The following MACROD2 variants were observed in gnomAD, a reference collection of about 807,000 sequenced individuals.
MACROD2 encodes the protein mono-ADP ribosylhydrolase 2.
MACROD2 carries 36 observed loss-of-function variants against 70.4 expected under a neutral mutation model. The ratio of observed to expected loss-of-function variants is 0.51; its 90% CI spans 0.39 to 0.68. The LOEUF is 0.68. Ranked by LOEUF, MACROD2 falls within the 30% of genes least tolerant of loss-of-function variation. The pLI is 0.00. For synonymous variants in MACROD2, 172 were observed against 178.8 expected (o/e 0.96, Z 0.30); for missense variants, 496 against 538.4 (o/e 0.92, Z 0.78).
intron 8 of MACROD2, among the ~76,000 whole-genome samples, chr20:15,589,440 C>G (rs1401964220): frequency 6.6e-6 from 1 of 152,184 alleles, no homozygotes; most frequent in Non-Finnish European, 1.5e-5. Flanking sequence ...CATATACCCC[C>G]TCCTCCCACA....
chr20:14,774,727 G>C (rs2072212351), intron 5 of MACROD2, among the ~76,000 whole-genome samples: 1 of 152,004 alleles, frequency 6.6e-6, no homozygotes, highest in African/African-American at 2.4e-5. Context: ...AAATGAGTAA[G>C]ATACTATGTA....
chr20:15,772,101 A>AATATATATATATAT (rs201468504), intron 8 of MACROD2, among the ~76,000 whole-genome samples: 13 of 91,410 alleles, frequency 1.4e-4, no homozygotes, highest in Middle Eastern at 7.0e-3. Context: ...AAAAAAAAAA[A>AATATATATATATAT]ATATATATAT....
chr20:15,398,075 A>G (rs1048876895), intron 6 of MACROD2, among the ~76,000 whole-genome samples: 4 of 152,188 alleles, frequency 2.6e-5, no homozygotes, highest in South Asian at 2.1e-4. Context: ...AGAAGGCTGA[A>G]TATTCTGGAA....
At chr20:14,849,316 C>T (rs1393162995) in intron 5 of MACROD2, among the ~76,000 whole-genome samples, 1 of 152,154 alleles carries the variant, frequency 6.6e-6, no homozygotes, top group Non-Finnish European at 1.5e-5. Context: ...TTACCCCTCA[C>T]CTCATGATTG....
intron 12 of MACROD2, among the ~76,000 whole-genome samples, chr20:15,961,882 G>A (rs1218324038): frequency 1.3e-5 from 2 of 152,096 alleles, no homozygotes; most frequent in Admixed American, 6.5e-5. Context: ...GAGAGAGGGA[G>A]GCAAGATGAG....
At chr20:15,236,622 C>T (rs1269198857) in intron 6 of MACROD2, among the ~76,000 whole-genome samples, 3 of 152,222 alleles carry the variant, frequency 2.0e-5, no homozygotes, top group South Asian at 2.1e-4. Flanking sequence ...AAGGAAACTG[C>T]CTTCCCTGTG....
chr20:15,612,200 C>G (rs1262187284), intron 8 of MACROD2, among the ~76,000 whole-genome samples: 1 of 152,134 alleles, frequency 6.6e-6, no homozygotes, highest in East Asian at 1.9e-4. Flanking sequence ...ACAGCCAATA[C>G]AGCTATAGCA....
intron 9 of MACROD2, among the ~76,000 whole-genome samples, chr20:15,875,956 T>C (rs936984942): frequency 4.0e-5 from 6 of 150,820 alleles, no homozygotes; most frequent in African/African-American, 1.2e-4. Flanking sequence ...AGGAATAATA[T>C]ATCAATAAAA....
At chr20:15,898,587 G>A (rs775854258) in intron 10 of MACROD2, among the ~76,000 whole-genome samples, 4 of 144,350 alleles carry the variant, frequency 2.8e-5, no homozygotes, top group Non-Finnish European at 3.0e-5. Context: ...CTAGGTTCAC[G>A]TCCCAGACCT....
intron 3 of MACROD2, among the ~76,000 whole-genome samples, chr20:14,391,262 T>C (rs2083523459): frequency 1.3e-5 from 2 of 152,188 alleles, no homozygotes; most frequent in Non-Finnish European, 2.9e-5. Context: ...GAAAATGTGG[T>C]ATGTTACATC....
intron 4 of MACROD2, among the ~76,000 whole-genome samples, chr20:14,600,343 TACACACACACACACACACACAC>T (rs1042255013): frequency 4.6e-5 from 6 of 130,150 alleles, no homozygotes; most frequent in African/African-American, 9.5e-5. Flanking sequence ...TATATATATA[TACACACACACACACACACACAC>T]AAATATATAT....
intron 5 of MACROD2, among the ~76,000 whole-genome samples, chr20:14,846,368 C>T (rs545742154): frequency 1.8e-4 from 28 of 151,990 alleles, no homozygotes; most frequent in African/African-American, 4.8e-4. Flanking sequence ...GAGTTACAGG[C>T]GCACGCCACC....
intron 3 of MACROD2, among the ~76,000 whole-genome samples, chr20:14,430,091 C>A (rs1308191174): frequency 6.6e-6 from 1 of 152,114 alleles, no homozygotes; most frequent in Non-Finnish European, 1.5e-5. Flanking sequence ...GAAAGAACAG[C>A]ATGAATCAAG....
chr20:14,069,626 CAAAT>C (rs2053812775), intron 2 of MACROD2, among the ~76,000 whole-genome samples: 1 of 146,610 alleles, frequency 6.8e-6, no homozygotes, highest in Non-Finnish European at 1.5e-5. Context: ...AAATATATCC[CAAAT>C]AAATATTTGC....
At chr20:14,249,304 T>C (rs2081992133) in intron 3 of MACROD2, among the ~76,000 whole-genome samples, 2 of 151,926 alleles carry the variant, frequency 1.3e-5, no homozygotes, top group Admixed American at 6.6e-5. Context: ...CTCAGTATAA[T>C]GCAAAAGCCA....
intron 3 of MACROD2, among the ~76,000 whole-genome samples, chr20:14,289,113 A>G (rs1011514825): frequency 1.7e-4 from 26 of 152,214 alleles, no homozygotes; most frequent in African/African-American, 6.0e-4. Flanking sequence ...CTTGACTGCA[A>G]CAGTATTAGT....
chr20:15,164,886 G>C (rs548250608), intron 5 of MACROD2, among the ~76,000 whole-genome samples: 17 of 152,102 alleles, frequency 1.1e-4, no homozygotes, highest in Admixed American at 2.0e-4. Flanking sequence ...GGGCAAAAGA[G>C]CAAGACTGTC....
At chr20:15,169,317 G>A (rs781508240) in intron 5 of MACROD2, among the ~76,000 whole-genome samples, 3 of 152,150 alleles carry the variant, frequency 2.0e-5, no homozygotes, top group Non-Finnish European at 2.9e-5. Flanking sequence ...GAGGGGAAGA[G>A]GAGTGGAGGA....
At chr20:14,342,677 G>C (rs183074710) in intron 3 of MACROD2, among the ~76,000 whole-genome samples, 2 of 152,174 alleles carry the variant, frequency 1.3e-5, no homozygotes, top group Non-Finnish European at 2.9e-5. Flanking sequence ...AATGCCGAAA[G>C]GTTTTGAAAA....
Sources: allele counts gnomAD v4.1 joint callset (sites outside exome capture counted in the v4.1 genomes callset), GRCh38; gene constraint gnomAD v4.1.1; transcripts MANE v1.5; gene names NCBI Gene and HGNC (gene_info 2026-07-23, HGNC 2026-07-21).